Variants in PDXK observed in about 807,000 individuals in gnomAD.
The protein encoded by PDXK is pyridoxal kinase.
A neutral mutation model predicts 43.2 loss-of-function variants in PDXK; 15 were observed. The ratio of observed to expected loss-of-function variants is 0.35; its 90% CI spans 0.23 to 0.53. The LOEUF is 0.53. Among genes scored for constraint, PDXK ranks in the 20% least tolerant of loss-of-function variants. PDXK has a pLI of 0.92. For missense variants in PDXK, 343 were observed against 417.0 expected (o/e 0.82, Z 1.54); for synonymous variants, 172 against 165.4 (o/e 1.04, Z -0.31).
intron 1 of PDXK, chr21:43,719,994 G>A (rs1450368178): frequency 3.4e-6 from 3 of 883,482 alleles, no homozygotes; most frequent in Non-Finnish European, 4.1e-6. Context: ...CCCTCTAGCA[G>A]AGCGGCATCC....
intron 4 of PDXK, 149 bp downstream of exon 4, chr21:43,743,956 G>A: frequency 4.6e-6 from 3 of 656,820 alleles, no homozygotes; most frequent in Admixed American, 4.8e-5. Flanking sequence ...TGTCTGCTGG[G>A]CCTCTGAAGA....
intron 2 of PDXK, among the ~76,000 whole-genome samples, chr21:43,736,242 T>C (rs1484344160): frequency 6.6e-6 from 1 of 152,236 alleles, no homozygotes; most frequent in Non-Finnish European, 1.5e-5. Context: ...GAAAGATGTC[T>C]GCATGCACGA....
chr21:43,728,786 A>T, intron 1 of PDXK: 1 of 985,644 alleles, frequency 1.0e-6, no homozygotes, highest in Non-Finnish European at 1.2e-6. Context: ...CGCGGGCGGC[A>T]GGGGGAAGGG....
intron 2 of PDXK, chr21:43,736,878 G>GC (rs2083412417): frequency 1.4e-6 from 1 of 696,682 alleles, no homozygotes; most frequent in East Asian, 2.7e-5. Context: ...AAGCGATCCT[G>GC]CCCCCTCAGC....
rs899555200 is a variant in PDXK, at chr21:43,732,608, T to C, written c.88-1461T>C. 2 of 800,896 alleles carry C rather than the reference T, an allele frequency of 2.5e-6. No homozygotes were observed. The highest frequency in any genetic ancestry group is 2.7e-5 in the South Asian group (2 of 75,050). The allele number at this position is 800,896 out of a possible 1,614,324, so 49.6% of individuals were successfully genotyped here. On this transcript the variant is annotated intron_variant, in intron 1 of 10. Transcript: ENST00000291565. The surrounding 1 kb of genome is among the most constrained non-coding windows in gnomAD (Gnocchi z 4.1). ...GAATATTTTGGCAGGATTTTCAGGA[T>C]TTGTGTCATCGTTGCTTAATATCTG... is the stretch of plus-strand genomic sequence containing the variant.
At position 43,762,293 on chromosome 21, in the gene PDXK, T is replaced by G. The variant is rs2083944295; in HGVS notation, c.*6230T>G. On this transcript the variant is annotated 3_prime_UTR_variant, in exon 11 of 11. Transcript: ENST00000291565. Reference sequence around the variant, plus strand: ...TGATATCCACAAATAAATATTTTCATGGCGGTCGTGTTGAGGCATGATGGT... The same window carrying G: ...TGATATCCACAAATAAATATTTTCAGGGCGGTCGTGTTGAGGCATGATGGT... 1 of 152,288 alleles carries G rather than the reference T, an allele frequency of 6.6e-6. No individual in the cohort carries two copies. The highest frequency in any genetic ancestry group is 1.9e-4 in the East Asian group (1 of 5,196). 9.4% of individuals were successfully genotyped at this position (152,288 alleles called of 1,614,324 possible).
At chr21:43,733,563 C>A in intron 1 of PDXK, 1 of 718,330 alleles carries the variant, frequency 1.4e-6, no homozygotes, top group Non-Finnish European at 1.7e-6. Flanking sequence ...CACACACCCA[C>A]TCCCTGACTC....
In PDXK at chr21:43,761,495, A is replaced by G. The variant is rs1279542999; in HGVS notation, c.*5432A>G. The G allele has an allele frequency of 6.4e-6, 1 of 156,106 alleles. No individual in the cohort carries two copies. The highest frequency in any genetic ancestry group is 1.4e-5 in the Non-Finnish European group (1 of 69,554). The allele number at this position is 156,106 out of a possible 1,614,324, so 9.7% of individuals were successfully genotyped here. A position where few individuals can be genotyped will look rare whatever the true frequency, so the allele number is the denominator to read the frequency against. On this transcript the variant is annotated 3_prime_UTR_variant, in exon 11 of 11. Transcript: ENST00000291565. ...AAGCTTCTGCTTGGGGATCCCCCAC[A>G]CGACCTGGGTACTGCCTGGGAAACC...
chr21:43,753,738 T>G lies in PDXK; in HGVS notation c.759+19T>G. ...CCTCAAGGTCAGCCACACGCACCGC[T>G]CCCCTCCTCGCCCACTCCCACGGCA... On this transcript the variant is annotated intron_variant, in intron 9 of 10. Coordinates refer to ENST00000291565, the MANE Select transcript of PDXK (RefSeq NM_003681.5). 2.5e-6 allele frequency: 4 copies of G among 1,599,386 alleles called. No individual in the cohort carries two copies. Among genetic ancestry groups the G allele is most frequent in the Non-Finnish European group, 3.4e-6 (4 of 1,171,132 alleles).
intron 9 of PDXK, among the ~76,000 whole-genome samples, chr21:43,755,022 G>C (rs184261622): frequency 2.0e-5 from 3 of 152,150 alleles, no homozygotes; most frequent in African/African-American, 7.2e-5. Context: ...TAAGCCTGCC[G>C]TGTTTAATTG....
At chr21:43,751,180 T>C (rs143586569) in intron 7 of PDXK, among the ~76,000 whole-genome samples, 181 of 152,332 alleles carry the variant, frequency 1.2e-3, no homozygotes, top group African/African-American at 4.1e-3. Flanking sequence ...CTTGCTAGCA[T>C]TGAACCTTGG....
rs760569401 is a variant in PDXK at position 43,734,138 on chromosome 21, C to T, written c.142+15C>T. The T allele has an allele frequency of 1.2e-6, 2 of 1,612,586 alleles. No homozygotes were observed. The highest frequency in any genetic ancestry group is 1.7e-5 in the Admixed American group (1 of 60,002). ...AAACCACACAGGTAAGGCGTTGGCT[C>T]CAGCAGCTGGCATAGAGCAGACTGT... On this transcript the variant is annotated intron_variant, in intron 2 of 10. Transcript: ENST00000291565. This position sits in a 1 kb window ranked among gnomAD's most constrained non-coding sequence, Gnocchi z 5.0.
intron 2 of PDXK, chr21:43,738,700 G>C (rs1055542827): frequency 1.3e-5 from 2 of 152,460 alleles, no homozygotes; most frequent in African/African-American, 2.4e-5. Flanking sequence ...GCTCCTGTCC[G>C]ATAAGTTAAA....
chr21:43,747,773 A>G (rs1385827782), intron 5 of PDXK, among the ~76,000 whole-genome samples: 1 of 152,228 alleles, frequency 6.6e-6, no homozygotes, highest in African/African-American at 2.4e-5. Flanking sequence ...GTTTTCCTGA[A>G]CAAGAGTGGC....
Position 43,732,280 on chromosome 21 carries a change from T to G in PDXK, c.88-1789T>G. 1 of 1,549,918 alleles carries G rather than the reference T, an allele frequency of 6.5e-7. No individual in the cohort carries two copies. The highest frequency in any genetic ancestry group is 1.2e-5 in the South Asian group (1 of 81,436). Reference sequence around the variant, plus strand: ...GACATGTGTAACAGCAGGAGATACCTTTCTCTGGGGTCCCAGGCTCCCGTC... The same window carrying G: ...GACATGTGTAACAGCAGGAGATACCGTTCTCTGGGGTCCCAGGCTCCCGTC... On this transcript the variant is annotated intron_variant, in intron 1 of 10. Coordinates refer to ENST00000291565, the MANE Select transcript of PDXK (RefSeq NM_003681.5). The surrounding 1 kb of genome is among the most constrained non-coding windows in gnomAD (Gnocchi z 4.1).
chr21:43,755,553 A>G (rs2083833128), intron 9 of PDXK, 145 bp from the exon 10 acceptor site: 2 of 727,548 alleles, frequency 2.7e-6, no homozygotes, highest in Admixed American at 3.9e-5. Context: ...TCCAGGGTTC[A>G]GCACGTGCAT....
At chr21:43,743,927 T>C (rs2083591936) in intron 4 of PDXK, 120 bp downstream of exon 4, 1 of 703,058 alleles carries the variant, frequency 1.4e-6, no homozygotes, top group East Asian at 2.7e-5. Flanking sequence ...GTGCCCCGCC[T>C]CTCCGGGCCA....
intron 6 of PDXK, among the ~76,000 whole-genome samples, chr21:43,750,180 G>A (rs929548552): frequency 1.3e-5 from 2 of 152,250 alleles, no homozygotes; most frequent in African/African-American, 4.8e-5. Context: ...GACTTTGTAT[G>A]GATGTCAGTC....
rs1348926222 is a variant in PDXK at position 43,749,075 on chromosome 21, G to A, written c.459G>A (p.Glu153=). 6.3e-7 allele frequency: 1 copy of A among 1,587,038 alleles called. No individual in the cohort carries two copies. Among genetic ancestry groups the A allele is most frequent in the East Asian group, 2.2e-5 (1 of 44,700 alleles). The change falls in exon 6 of 11, where the codon GAG becomes GAA. Residue 153 remains glutamate, a synonymous_variant. Transcript: ENST00000291565. The stretch of plus-strand genomic sequence containing the variant: ...ACATTATCACGCCCAACCAGTTTGA[G>A]GCCGAGTAAGTCATTTTATTTTATT... ...LADIITPNQF[E]AELLSGRKIH...
Sources: allele counts gnomAD v4.1 joint callset (sites outside exome capture counted in the v4.1 genomes callset), GRCh38; gene constraint gnomAD v4.1.1; non-coding constraint Gnocchi (gnomAD v3.1); transcripts MANE v1.5; gene names NCBI Gene and HGNC (gene_info 2026-07-23, HGNC 2026-07-21).